Variants in SAMD4A observed in about 807,000 individuals in gnomAD.
SAMD4A encodes the protein protein Smaug homolog 1.
A neutral mutation model predicts 81.3 loss-of-function variants in SAMD4A; 33 were observed. That is an observed-to-expected ratio of 0.41 (90% CI 0.31 to 0.54). The LOEUF is 0.54. Among genes scored for constraint, SAMD4A ranks in the 20% least tolerant of loss-of-function variants. The probability of loss-of-function intolerance (pLI) is 0.37; values close to 1 mark genes in which losing one functional copy is unlikely to be tolerated. For missense variants in SAMD4A, 854 were observed against 951.1 expected (o/e 0.90, Z 1.34); for synonymous variants, 389 against 382.1 (o/e 1.02, Z -0.21).
intron 3 of SAMD4A, among the ~76,000 whole-genome samples, chr14:54,715,378 G>C (rs556766196): frequency 4.6e-5 from 7 of 152,154 alleles, no homozygotes; most frequent in Admixed American, 6.5e-5. Context: ...CTGATGAGTC[G>C]ATAGTACTCA....
chr14:54,736,913 A>G, intron 3 of SAMD4A, 111 bp from the exon 4 acceptor site: 1 of 1,236,450 alleles, frequency 8.1e-7, no homozygotes, highest in Non-Finnish European at 1.1e-6. Flanking sequence ...CCATGGATGG[A>G]GTTGTAAGAC....
intron 9 of SAMD4A, among the ~76,000 whole-genome samples, chr14:54,772,522 C>A (rs1247916183): frequency 6.6e-6 from 1 of 152,154 alleles, no homozygotes; most frequent in East Asian, 1.9e-4. Flanking sequence ...TCCTAAGAGT[C>A]CCTGGATCCC....
intron 11 of SAMD4A, among the ~76,000 whole-genome samples, chr14:54,780,003 A>G (rs1471164544): frequency 1.3e-5 from 2 of 152,164 alleles, no homozygotes; most frequent in East Asian, 3.9e-4. Flanking sequence ...ACTAATTTCT[A>G]CTGACCCAGG....
chr14:54,718,041 T>G (rs1307163450), intron 3 of SAMD4A, among the ~76,000 whole-genome samples: 1 of 152,180 alleles, frequency 6.6e-6, no homozygotes, highest in Non-Finnish European at 1.5e-5. Flanking sequence ...GCTATTCTCT[T>G]GCTCCTCTTC....
chr14:54,649,154 C>T (rs193233248), intron 2 of SAMD4A, among the ~76,000 whole-genome samples: 10 of 152,240 alleles, frequency 6.6e-5, no homozygotes, highest in Non-Finnish European at 8.8e-5. Context: ...TAGACATGCC[C>T]GTTAGATGTC....
At chr14:54,591,642 A>C (rs1318156700) in intron 2 of SAMD4A, among the ~76,000 whole-genome samples, 2 of 151,746 alleles carry the variant, frequency 1.3e-5, no homozygotes, top group African/African-American at 4.8e-5. Context: ...TAGCTGCCCC[A>C]TTCATGGTGA....
chr14:54,772,863 C>T (rs900976994), intron 9 of SAMD4A, among the ~76,000 whole-genome samples: 2 of 151,796 alleles, frequency 1.3e-5, no homozygotes, highest in East Asian at 1.9e-4. Context: ...CTCTACCTCA[C>T]GTAGTCAGAT....
chr14:54,702,047 T>C lies in SAMD4A; in HGVS notation c.197-15T>C. 6.2e-7 allele frequency: 1 copy of C among 1,612,640 alleles called. No individual in the cohort carries two copies. Among genetic ancestry groups the C allele is most frequent in the Non-Finnish European group, 8.5e-7 (1 of 1,179,010 alleles). The stretch of plus-strand genomic sequence containing the variant: ...GGTGTATTTGCTTATTTGCCGTGTA[T>C]ATTTCCCTTTTCAGGAATCATTAAC... On this transcript the variant is annotated splice_polypyrimidine_tract_variant and intron_variant, in intron 2 of 12. Transcript: ENST00000554335.
chr14:54,724,195 A>G (rs2037355509), intron 3 of SAMD4A, among the ~76,000 whole-genome samples: 1 of 152,202 alleles, frequency 6.6e-6, no homozygotes, highest in Non-Finnish European at 1.5e-5. Context: ...GATTTTGAAT[A>G]TCGATTGTTC....
At chr14:54,565,751 G>A (rs1175488692), upstream of SAMD4A, among the ~76,000 whole-genome samples, 1 of 152,010 alleles carries the variant, frequency 6.6e-6, no homozygotes, top group Non-Finnish European at 1.5e-5. The surrounding 1 kb of genome is among the most constrained non-coding windows in gnomAD (Gnocchi z 5.4). Flanking sequence ...TTTCTGCCGG[G>A]GCTCCAGTGG....
intron 2 of SAMD4A, among the ~76,000 whole-genome samples, chr14:54,611,631 C>G (rs188947353): frequency 6.6e-6 from 1 of 152,208 alleles, no homozygotes; most frequent in East Asian, 1.9e-4. Context: ...AATCCCAGCA[C>G]TTTGGGAGGC....
At chr14:54,659,388 CTG>C (rs150880500) in intron 2 of SAMD4A, among the ~76,000 whole-genome samples, 1 of 151,772 alleles carries the variant, frequency 6.6e-6, no homozygotes, top group African/African-American at 2.4e-5. Flanking sequence ...TATCAGAGCT[CTG>C]TGTGTGTGTG....
intron 2 of SAMD4A, among the ~76,000 whole-genome samples, chr14:54,599,975 G>A (rs542072042): frequency 6.6e-6 from 1 of 152,324 alleles, no homozygotes; most frequent in East Asian, 1.9e-4. Flanking sequence ...GAAGAGACAT[G>A]TATTCCTGTA....
chr14:54,772,592 T>G (rs1374129666), intron 9 of SAMD4A, among the ~76,000 whole-genome samples: 3 of 152,220 alleles, frequency 2.0e-5, no homozygotes, highest in Non-Finnish European at 4.4e-5. Flanking sequence ...ATTATATTGC[T>G]TAAGAATTCA....
chr14:54,776,015 T>TAAA (rs10539223), intron 10 of SAMD4A, among the ~76,000 whole-genome samples: 1,779 of 89,796 alleles, frequency 0.02, 53 homozygotes, highest in African/African-American at 0.051. Flanking sequence ...GTAAGAATCT[T>TAAA]AAAAAAAAAA....
At chr14:54,676,775 T>G (rs2036003187) in intron 2 of SAMD4A, among the ~76,000 whole-genome samples, 1 of 152,250 alleles carries the variant, frequency 6.6e-6, no homozygotes, top group Non-Finnish European at 1.5e-5. Context: ...TGGTCCAGGA[T>G]GACAATGCTT....
chr14:54,672,492 C>CT (rs1206395345), intron 2 of SAMD4A, among the ~76,000 whole-genome samples: 3 of 152,168 alleles, frequency 2.0e-5, no homozygotes, highest in Non-Finnish European at 2.9e-5. Context: ...AAAAGGCTGA[C>CT]TAAGGTTCAC....
chr14:54,683,342 A>G (rs2036175055), intron 2 of SAMD4A, among the ~76,000 whole-genome samples: 1 of 152,214 alleles, frequency 6.6e-6, no homozygotes, highest in African/African-American at 2.4e-5. Flanking sequence ...TGATGTCTGG[A>G]GCCCAAGGCA....
At chr14:54,709,439 A>C (rs1218279460) in intron 3 of SAMD4A, among the ~76,000 whole-genome samples, 1 of 151,962 alleles carries the variant, frequency 6.6e-6, no homozygotes, top group South Asian at 2.1e-4. Context: ...TCGAGAGGCA[A>C]GAGTATCTTT....
Sources: gnomAD v4.1 joint callset for allele counts (sites outside exome capture counted in the v4.1 genomes callset) on GRCh38, gnomAD v4.1.1 for gene constraint, Gnocchi (gnomAD v3.1) non-coding constraint, MANE v1.5 for transcripts, NCBI Gene and HGNC (gene_info 2026-07-23, HGNC 2026-07-21) for gene names.